Variants in MARCHF1 observed in about 807,000 individuals in gnomAD.
MARCHF1 encodes the protein membrane associated ring-CH-type finger 1.
A neutral mutation model predicts 54.2 loss-of-function variants in MARCHF1; 40 were observed. The observed-to-expected ratio is 0.74, with a 90% CI of 0.57 to 0.96. MARCHF1 has a LOEUF of 0.96. MARCHF1 is among the 40% of genes least tolerant of loss of function. The pLI is 0.00. For missense variants in MARCHF1, 586 were observed against 656.5 expected (o/e 0.89, Z 1.17); for synonymous variants, 236 against 236.3 (o/e 1.00, Z 0.01).
intron 2 of MARCHF1, among the ~76,000 whole-genome samples, chr4:164,035,400 A>G (rs938203673): frequency 1.3e-5 from 2 of 151,960 alleles, no homozygotes; most frequent in African/African-American, 4.8e-5. Flanking sequence ...GTTTGAAAGA[A>G]TAACAGTCAC....
At chr4:164,176,325 G>T (rs975758568) in intron 1 of MARCHF1, among the ~76,000 whole-genome samples, 1 of 152,038 alleles carries the variant, frequency 6.6e-6, no homozygotes, top group African/African-American at 2.4e-5. Context: ...CTTGCCACAC[G>T]CACAGACATA....
chr4:164,006,360 G>A (rs1209455964), intron 2 of MARCHF1, among the ~76,000 whole-genome samples: 1 of 151,906 alleles, frequency 6.6e-6, no homozygotes, highest in Non-Finnish European at 1.5e-5. Flanking sequence ...ACAGTAGAGT[G>A]GACAAGGAGA....
At chr4:164,170,591 C>A (rs1438642446) in intron 1 of MARCHF1, among the ~76,000 whole-genome samples, 1 of 151,926 alleles carries the variant, frequency 6.6e-6, no homozygotes, top group African/African-American at 2.4e-5. Context: ...GGTTCCTTCC[C>A]TCAAAAAGCC....
intron 4 of MARCHF1, among the ~76,000 whole-genome samples, chr4:163,751,755 A>G (rs1026638934): frequency 1.3e-5 from 2 of 152,002 alleles, no homozygotes; most frequent in Admixed American, 1.3e-4. Flanking sequence ...ACTTCTCCTC[A>G]AGTAGGTATT....
At chr4:163,793,593 A>G (rs1003875202) in intron 4 of MARCHF1, among the ~76,000 whole-genome samples, 3 of 152,152 alleles carry the variant, frequency 2.0e-5, no homozygotes, top group Admixed American at 6.5e-5. Context: ...CTGCCTCCAA[A>G]GAAAGAAGAA....
chr4:164,305,937 G>A (rs1240774035), intron 1 of MARCHF1, among the ~76,000 whole-genome samples: 1 of 152,050 alleles, frequency 6.6e-6, no homozygotes, highest in Admixed American at 6.6e-5. Flanking sequence ...CAAAAGAATA[G>A]TACCGCAGCA....
intron 1 of MARCHF1, among the ~76,000 whole-genome samples, chr4:164,153,273 T>C (rs1414026341): frequency 6.6e-6 from 1 of 152,166 alleles, no homozygotes; most frequent in Non-Finnish European, 1.5e-5. Flanking sequence ...ATTCTGTTAA[T>C]TTTTATTACA....
At chr4:163,992,587 G>A (rs1752988595) in intron 2 of MARCHF1, among the ~76,000 whole-genome samples, 1 of 151,692 alleles carries the variant, frequency 6.6e-6, no homozygotes, top group African/African-American at 2.4e-5. Flanking sequence ...AGTTCAGGAT[G>A]CTATTTTAAA....
intron 4 of MARCHF1, among the ~76,000 whole-genome samples, chr4:163,851,733 A>C (rs1273956503): frequency 1.3e-5 from 2 of 152,208 alleles, no homozygotes; most frequent in Admixed American, 6.5e-5. Context: ...CTTGCAACTC[A>C]GTTGGGCCTG....
chr4:163,632,463 C>T (rs976904159), intron 5 of MARCHF1, among the ~76,000 whole-genome samples: 1 of 152,176 alleles, frequency 6.6e-6, no homozygotes, highest in African/African-American at 2.4e-5. Flanking sequence ...AGTTCCCTTT[C>T]CTAATCAAAG....
chr4:163,572,898 C>G (rs1402696395), intron 8 of MARCHF1, among the ~76,000 whole-genome samples: 2 of 152,098 alleles, frequency 1.3e-5, no homozygotes, highest in Non-Finnish European at 2.9e-5. Context: ...CAGTTCTCAT[C>G]TATCTGTGGC....
intron 1 of MARCHF1, among the ~76,000 whole-genome samples, chr4:164,140,298 C>A (rs934491993): frequency 1.3e-5 from 2 of 150,814 alleles, no homozygotes; most frequent in Non-Finnish European, 3.0e-5. Flanking sequence ...TGATGTTTAT[C>A]ATTTCTTTTG....
chr4:163,594,996 C>T (rs951125316), intron 7 of MARCHF1, among the ~76,000 whole-genome samples: 2 of 152,174 alleles, frequency 1.3e-5, no homozygotes, highest in Admixed American at 6.5e-5. Flanking sequence ...ATCTGAACTC[C>T]CATGTTCATT....
At chr4:163,724,659 A>C (rs1188265568) in intron 4 of MARCHF1, among the ~76,000 whole-genome samples, 1 of 152,184 alleles carries the variant, frequency 6.6e-6, no homozygotes, top group Non-Finnish European at 1.5e-5. Flanking sequence ...GACTCCACCC[A>C]GTTCAAGCTT....
At chr4:163,654,497 A>G (rs1336716176) in intron 5 of MARCHF1, among the ~76,000 whole-genome samples, 3 of 151,622 alleles carry the variant, frequency 2.0e-5, no homozygotes, top group Admixed American at 6.6e-5. Context: ...TTTCTTCCTG[A>G]AATTTTGATA....
At chr4:164,204,121 T>A (rs1731539173) in intron 1 of MARCHF1, among the ~76,000 whole-genome samples, 1 of 152,184 alleles carries the variant, frequency 6.6e-6, no homozygotes, top group African/African-American at 2.4e-5. Flanking sequence ...GGCTTGATTA[T>A]GTTTCTCTGT....
Position 164,142,881 on chromosome 4 carries a change from G to T in MARCHF1, c.-322-31219C>A, listed in dbSNP as rs1023381977. The stretch of plus-strand genomic sequence containing the variant: ...AGACGATCAAATTACTCTGAGCTAC[G>T]GGAGGACATTCAAACCAAAGGCAAA... On this transcript the variant is annotated intron_variant, in intron 1 of 9. Transcript: ENST00000514618. Among the ~76,000 whole-genome samples the T allele has an allele frequency of 2.0e-5, 3 of 151,968 alleles. No individual in the cohort carries two copies. The South Asian group carries it at 6.2e-4, about 32-fold the overall frequency.
intron 7 of MARCHF1, among the ~76,000 whole-genome samples, chr4:163,611,533 AT>A (rs1384026032): frequency 1.3e-5 from 2 of 152,194 alleles, no homozygotes; most frequent in South Asian, 2.1e-4. Context: ...GTACAAATAT[AT>A]TTTTTTGTTT....
Position 163,961,490 on chromosome 4 carries a change from G to A in MARCHF1, c.-39+27011C>T, listed in dbSNP as rs141739291. Among the ~76,000 whole-genome samples, 1,450 of 151,934 alleles carry A rather than the reference G, an allele frequency of 9.5e-3. 23 individuals are homozygous for A. The highest frequency in any genetic ancestry group is 0.032 in the African/African-American group (1,335 of 41,486). On this transcript the variant is annotated intron_variant, in intron 3 of 9. Transcript: ENST00000514618. Reference sequence around the variant, plus strand: ...AAAGAATTAATTGACTTAAGTGGAAGCAAAAAATAATAAAGAAGAGTCATA... The same window carrying A: ...AAAGAATTAATTGACTTAAGTGGAAACAAAAAATAATAAAGAAGAGTCATA...
Sources: allele counts gnomAD v4.1 joint callset (sites outside exome capture counted in the v4.1 genomes callset), GRCh38; gene constraint gnomAD v4.1.1; transcripts MANE v1.5; gene names NCBI Gene and HGNC (gene_info 2026-07-23, HGNC 2026-07-21).